Variants in ZC3H14 observed in about 807,000 individuals in gnomAD.
ZC3H14 encodes the protein zinc finger CCCH domain-containing protein 14.
Under a neutral mutation model 92.4 loss-of-function variants are expected in ZC3H14, and 31 were observed. That is an observed-to-expected ratio of 0.34 (90% CI 0.25 to 0.45). ZC3H14 has a LOEUF of 0.45. ZC3H14 is among the 20% of genes least tolerant of loss of function. The probability of loss-of-function intolerance (pLI) is 1.00; values close to 1 mark genes in which losing one functional copy is unlikely to be tolerated. For synonymous variants in ZC3H14, 321 were observed against 300.9 expected, an observed-to-expected ratio of 1.07 and a Z score of -0.69; for missense variants, 781 against 897.3, an observed-to-expected ratio of 0.87 and a Z score of 1.66.
chr14:88,563,408 G>C (rs1481445156), intron 1 of ZC3H14: 2 of 1,430,922 alleles, frequency 1.4e-6, no homozygotes, highest in Non-Finnish European at 1.8e-6. Flanking sequence ...AGGCCCGGCT[G>C]GAGCCACCAC....
Position 88,605,244 on chromosome 14 carries a change from C to CA in ZC3H14, c.1748-1993dup, listed in dbSNP as rs534581096. On this transcript the variant is annotated intron_variant, in intron 12 of 16. Transcript: ENST00000251038. ...ACACATTTACTTTGCGGGGATGACA[C>CA]AAAAAACCTGTAAAAATTAGAGAAA... 3.9e-3 allele frequency among the ~76,000 whole-genome samples: 601 copies of CA among 152,224 alleles called. 4 individuals are homozygous for CA. Among genetic ancestry groups the CA allele is most frequent in the Non-Finnish European group, 6.8e-3 (464 of 67,996 alleles).
Position 88,616,826 on chromosome 14 carries a change from T to C in ZC3H14, c.*5075T>C, listed in dbSNP as rs748396293. ...ATGAGATACACAGGCACAGTTGACA[T>C]CAGCTTTCTCAGCATGTCTGGACCA... is the stretch of plus-strand genomic sequence containing the variant. On this transcript the variant is annotated 3_prime_UTR_variant, in exon 17 of 17. Transcript: ENST00000251038. The C allele has an allele frequency of 6.2e-7, 1 of 1,613,944 alleles. No individual in the cohort carries two copies. Among genetic ancestry groups the C allele is most frequent in the South Asian group, 1.1e-5 (1 of 91,084 alleles).
chr14:88,563,924 GCT>G (rs2079224220), intron 2 of ZC3H14, among the ~76,000 whole-genome samples: 1 of 151,882 alleles, frequency 6.6e-6, no homozygotes, highest in East Asian at 1.9e-4. Context: ...CTCCGTTAAG[GCT>G]CTGTTTGACC....
rs1043588427 is a variant in ZC3H14, at chr14:88,612,554, T to C, written c.*803T>C. ...ACATACTGTATCTGAAAACAGACTT[T>C]AAAGTCACAAGATTATAAATGTACA... On this transcript the variant is annotated 3_prime_UTR_variant, in exon 17 of 17. Coordinates refer to ENST00000251038, the MANE Select transcript of ZC3H14 (RefSeq NM_024824.5). 4.6e-5 allele frequency: 7 copies of C among 152,598 alleles called. No homozygotes were observed. The highest frequency in any genetic ancestry group is 1.7e-4 in the African/African-American group (7 of 41,458). 9.5% of individuals were successfully genotyped at this position (152,598 alleles called of 1,614,324 possible).
intron 11 of ZC3H14, 121 bp from the exon 12 acceptor site, chr14:88,602,704 GTCT>G (rs1481439395): frequency 1.3e-5 from 13 of 1,014,648 alleles, no homozygotes; most frequent in Non-Finnish European, 1.8e-5. Flanking sequence ...GCCCTACCTA[GTCT>G]TTTTTTATTG....
rs1054500061 is a variant in ZC3H14, at chr14:88,617,900, T to C, written c.*6149T>C. 4.0e-5 allele frequency: 7 copies of C among 175,752 alleles called. No individual in the cohort carries two copies. The highest frequency in any genetic ancestry group is 7.2e-5 in the Non-Finnish European group (6 of 83,254). The allele number at this position is 175,752 out of a possible 1,614,324, so 10.9% of individuals were successfully genotyped here. On this transcript the variant is annotated 3_prime_UTR_variant, in exon 17 of 17. Transcript: ENST00000251038. ...AGATTCAAGATAGCATTCCTTTAGA[T>C]AGAGAATTAATAACAGTTGCTTAAC... is the stretch of plus-strand genomic sequence containing the variant.
At chr14:88,585,407 TCA>T (rs2082353715) in intron 9 of ZC3H14, among the ~76,000 whole-genome samples, 1 of 149,124 alleles carries the variant, frequency 6.7e-6, no homozygotes, top group South Asian at 2.1e-4. Flanking sequence ...AGACGGAGTC[TCA>T]CTTTGTTGCC....
Position 88,613,874 on chromosome 14 carries a change from C to T in ZC3H14, c.*2123C>T, listed in dbSNP as rs1595165768. 6.6e-6 allele frequency: 1 copy of T among 152,320 alleles called. No individual in the cohort carries two copies. The highest frequency in any genetic ancestry group is 1.9e-4 in the East Asian group (1 of 5,194). 9.4% of individuals were successfully genotyped at this position (152,320 alleles called of 1,614,324 possible). A position where few individuals can be genotyped will look rare whatever the true frequency, so the allele number is the denominator to read the frequency against. On this transcript the variant is annotated 3_prime_UTR_variant, in exon 17 of 17. Coordinates refer to ENST00000251038, the MANE Select transcript of ZC3H14 (RefSeq NM_024824.5). ...AGATTCTATATGGCCTATCATGTTT[C>T]TTCACCTTCCCCTCGTTGCTGGCTG...
intron 2 of ZC3H14, among the ~76,000 whole-genome samples, chr14:88,565,819 G>C (rs1289438654): frequency 6.6e-6 from 1 of 151,912 alleles, no homozygotes. Flanking sequence ...TAAGCACATA[G>C]AACAAGATAT....
At position 88,618,052 on chromosome 14, in the gene ZC3H14, G is replaced by A. The variant is rs995706991; in HGVS notation, c.*6301G>A. 1.2e-5 allele frequency: 5 copies of A among 413,024 alleles called. No homozygotes were observed. Among genetic ancestry groups the A allele is most frequent in the Admixed American group, 1.2e-4 (3 of 24,782 alleles). 25.6% of individuals were successfully genotyped at this position (413,024 alleles called of 1,614,324 possible). On this transcript the variant is annotated 3_prime_UTR_variant, in exon 17 of 17. Coordinates refer to ENST00000251038, the MANE Select transcript of ZC3H14 (RefSeq NM_024824.5). ...TAAATCATGGAAACTGATAAAACAT[G>A]GAAATATATTCAATAAAAAGGGGTC...
intron 2 of ZC3H14, among the ~76,000 whole-genome samples, chr14:88,565,406 G>T (rs1325043055): frequency 6.6e-6 from 1 of 152,266 alleles, no homozygotes; most frequent in South Asian, 2.1e-4. Context: ...CTCCCAAAGT[G>T]CTGGGATTAC....
At chr14:88,580,280 G>A (rs2081737082) in intron 9 of ZC3H14, among the ~76,000 whole-genome samples, 1 of 152,178 alleles carries the variant, frequency 6.6e-6, no homozygotes, top group Non-Finnish European at 1.5e-5. Flanking sequence ...CATCTAGTTT[G>A]GGCGATAGAG....
chr14:88,566,200 TTAA>T (rs1358220818), intron 2 of ZC3H14, among the ~76,000 whole-genome samples: 1 of 151,654 alleles, frequency 6.6e-6, no homozygotes, highest in Non-Finnish European at 1.5e-5. Context: ...TTTGGAAAAT[TTAA>T]TAATGTTACT....
Position 88,607,229 on chromosome 14 carries a change from C to G in ZC3H14, c.1748-14C>G, listed in dbSNP as rs1220073521. On this transcript the variant is annotated splice_polypyrimidine_tract_variant and intron_variant, in intron 12 of 16. Coordinates refer to ENST00000251038, the MANE Select transcript of ZC3H14 (RefSeq NM_024824.5). ...ATAATGAATGAAATACTTTTATTTC[C>G]TTTCCCTTTGTAGCTGAGATGAGTG... 2 of 1,613,962 alleles carry G rather than the reference C, an allele frequency of 1.2e-6. No individual in the cohort carries two copies. The highest frequency in any genetic ancestry group is 1.7e-6 in the Non-Finnish European group (2 of 1,179,930).
At chr14:88,601,775 T>A in intron 10 of ZC3H14, 149 bp from the exon 11 acceptor site, 1 of 889,192 alleles carries the variant, frequency 1.1e-6, no homozygotes, top group Non-Finnish European at 1.7e-6. Flanking sequence ...AATAGAATTA[T>A]AGCCCTGTTT....
In ZC3H14 at chr14:88,619,688, TTTTTTTTTTGAGACG is replaced by T. The variant is rs1225002294; in HGVS notation, c.*7938_*7952del. On this transcript the variant is annotated 3_prime_UTR_variant, in exon 17 of 17. Coordinates refer to ENST00000251038, the MANE Select transcript of ZC3H14 (RefSeq NM_024824.5). ...CAACTTGAATCTTGGAAGAAGAATT[TTTTTTTTTTGAGACG>T]AAGTCTCGCTCTTGTCTCCCAGGCT... 2.0e-5 allele frequency: 3 copies of T among 152,110 alleles called. No homozygotes were observed. The highest frequency in any genetic ancestry group is 4.4e-5 in the Non-Finnish European group (3 of 68,036). The allele number at this position is 152,110 out of a possible 1,614,324, so 9.4% of individuals were successfully genotyped here.
At position 88,567,101 on chromosome 14, in the gene ZC3H14, T is replaced by G. The variant is rs147083663; in HGVS notation, c.80-938T>G. On this transcript the variant is annotated intron_variant, in intron 2 of 16. Transcript: ENST00000251038. Reference sequence around the variant, plus strand: ...ACCACTAGGAGGGTGTTTTTTGGCTTCTTTTATTTATTTTATTTATTTATT... The same window carrying G: ...ACCACTAGGAGGGTGTTTTTTGGCTGCTTTTATTTATTTTATTTATTTATT... Among the ~76,000 whole-genome samples, 826 of 92,242 alleles carry G rather than the reference T, an allele frequency of 9.0e-3. 8 individuals are homozygous for G. Among genetic ancestry groups the G allele is most frequent in the African/African-American group, 0.03 (797 of 26,788 alleles). The allele number at this position is 92,242 out of a possible 152,430, so 60.5% of individuals were successfully genotyped here.
At chr14:88,565,775 CTG>C (rs1230630193) in intron 2 of ZC3H14, among the ~76,000 whole-genome samples, 1 of 152,120 alleles carries the variant, frequency 6.6e-6, no homozygotes, top group Non-Finnish European at 1.5e-5. Context: ...AACTGCATAT[CTG>C]TGAGACCAGA....
intron 9 of ZC3H14, among the ~76,000 whole-genome samples, chr14:88,581,168 T>C (rs2081864976): frequency 6.6e-6 from 1 of 152,232 alleles, no homozygotes; most frequent in South Asian, 2.1e-4. Flanking sequence ...CATTTTTTTC[T>C]AGTTCTGTCT....
Sources: gnomAD v4.1 joint callset for allele counts (sites outside exome capture counted in the v4.1 genomes callset) on GRCh38, gnomAD v4.1.1 for gene constraint, MANE v1.5 for transcripts, NCBI Gene and HGNC (gene_info 2026-07-23, HGNC 2026-07-21) for gene names.